The following MYLK variants were observed in gnomAD, a reference collection of about 807,000 sequenced individuals.
MYLK encodes myosin light chain kinase, smooth muscle.
A neutral mutation model predicts 203.4 loss-of-function variants in MYLK; 106 were observed. That is an observed-to-expected ratio of 0.52 (90% CI 0.45 to 0.61). MYLK has a LOEUF of 0.61. Among genes scored for constraint, MYLK ranks in the 20% least tolerant of loss-of-function variants. The pLI is 0.00. For synonymous variants in MYLK, 867 were observed against 959.5 expected, an observed-to-expected ratio of 0.90 and a Z score of 1.78; for missense variants, 2,072 against 2,442.3, an observed-to-expected ratio of 0.85 and a Z score of 3.20.
intron 20 of MYLK, among the ~76,000 whole-genome samples, chr3:123,680,049 G>A (rs1393710549): frequency 6.6e-6 from 1 of 152,188 alleles, no homozygotes; most frequent in Admixed American, 6.5e-5. Flanking sequence ...GATGTAATTG[G>A]TCTGGGGGCA....
intron 20 of MYLK, among the ~76,000 whole-genome samples, chr3:123,673,161 C>CTTTTTTTTTTTTT (rs761090869): frequency 8.0e-5 from 11 of 136,934 alleles, no homozygotes; most frequent in African/African-American, 3.1e-4. Context: ...TTTTTCTTTT[C>CTTTTTTTTTTTTT]TTTTTTTTTT....
Position 123,700,532 on chromosome 3 carries a change from G to A in MYLK, c.2936C>T (p.Pro979Leu), listed in dbSNP as rs368229473. ...GCCACCCAGCACTGAGCGAAAATCC[G>A]GGGTGGCAGGTTTTGGCGGTGGCAC... is the stretch of plus-strand genomic sequence containing the variant. ...EKVPPPKPATPDFRSVLGGKK... is the reference protein window; with the variant it reads ...EKVPPPKPATLDFRSVLGGKK... The change falls in exon 18 of 34, where the codon CCG (proline) becomes CTG (leucine). Residue 979 changes from proline (P) to leucine (L), a missense_variant. Physicochemically the swap from Pro to Leu is moderately conservative, Grantham distance 98. This residue lies in a region of MYLK where 865 missense variants were observed against 1,016.0 expected (regional missense o/e 0.85). Coordinates refer to ENST00000360304, the MANE Select transcript of MYLK (RefSeq NM_053025.4). 30 of 1,613,366 alleles carry A rather than the reference G, an allele frequency of 1.9e-5. No individual in the cohort carries two copies. Among genetic ancestry groups the A allele is most frequent in the Admixed American group, 3.3e-5 (2 of 59,988 alleles).
chr3:123,856,512 T>C (rs1158720679), intron 2 of MYLK, among the ~76,000 whole-genome samples: 1 of 152,254 alleles, frequency 6.6e-6, no homozygotes, highest in Non-Finnish European at 1.5e-5. Context: ...ATTGAGTACC[T>C]CTTAATAATA....
intron 4 of MYLK, among the ~76,000 whole-genome samples, chr3:123,786,593 T>C (rs775961047): frequency 2.3e-4 from 35 of 151,994 alleles, no homozygotes; most frequent in Admixed American, 2.0e-4. Context: ...TACTATTCGA[T>C]AGCACAACAG....
chr3:123,645,483 A>G (rs141182841), intron 27 of MYLK, among the ~76,000 whole-genome samples: 65 of 152,336 alleles, frequency 4.3e-4, no homozygotes, highest in African/African-American at 1.5e-3. Flanking sequence ...GAATTCCAAG[A>G]TGCTAACAGA....
intron 5 of MYLK, among the ~76,000 whole-genome samples, chr3:123,744,381 A>C (rs1312248444): frequency 6.6e-6 from 1 of 152,238 alleles, no homozygotes; most frequent in Non-Finnish European, 1.5e-5. Context: ...TACAAGTAGC[A>C]CAGCAAAGTG....
At chr3:123,789,879 A>C (rs2064704969) in intron 4 of MYLK, among the ~76,000 whole-genome samples, 1 of 152,208 alleles carries the variant, frequency 6.6e-6, no homozygotes, top group Non-Finnish European at 1.5e-5. Flanking sequence ...CAATCAACTC[A>C]GAATAAGGAA....
In MYLK at chr3:123,740,017, T is replaced by C. The variant is rs772656732; in HGVS notation, c.374-16A>G. ...GCAAAACTTCCTGCAAGAAAAAGAG[T>C]TGATGAGTCAGGTCTGAGCCACCAA... On this transcript the variant is annotated splice_polypyrimidine_tract_variant and intron_variant, in intron 5 of 33. Coordinates refer to ENST00000360304, the MANE Select transcript of MYLK (RefSeq NM_053025.4). The C allele has an allele frequency of 3.7e-6, 6 of 1,613,478 alleles. No homozygotes were observed. The highest frequency in any genetic ancestry group is 5.1e-6 in the Non-Finnish European group (6 of 1,179,624).
intron 16 of MYLK, among the ~76,000 whole-genome samples, chr3:123,705,961 G>A (rs1482994242): frequency 6.6e-6 from 1 of 152,140 alleles, no homozygotes; most frequent in Non-Finnish European, 1.5e-5. Context: ...TGACCTAGGG[G>A]GTAAGCGTGT....
At chr3:123,663,490 T>C (rs1421592969) in intron 23 of MYLK, among the ~76,000 whole-genome samples, 1 of 151,720 alleles carries the variant, frequency 6.6e-6, no homozygotes, top group Non-Finnish European at 1.5e-5. Flanking sequence ...AGAGAGAAGG[T>C]AGGGTGGCTA....
Position 123,686,865 on chromosome 3 carries a change from C to A in MYLK, c.3566-4555G>T, listed in dbSNP as rs138724188. The stretch of plus-strand genomic sequence containing the variant: ...TCGCCAGTATTGAAGTGTTTTTGAC[C>A]TACAAAAACAGCAATTTTATTTAGT... On this transcript the variant is annotated intron_variant, in intron 19 of 33. Transcript: ENST00000360304. Among the ~76,000 whole-genome samples the A allele has an allele frequency of 1.4e-3, 219 of 152,256 alleles. 1 individual carries two copies. Among genetic ancestry groups the A allele is most frequent in the African/African-American group, 5.0e-3 (207 of 41,532 alleles).
intron 3 of MYLK, among the ~76,000 whole-genome samples, chr3:123,822,003 T>C (rs1197686520): frequency 2.6e-5 from 4 of 152,026 alleles, no homozygotes; most frequent in African/African-American, 9.7e-5. Context: ...CAGGAATGGG[T>C]TCATTATTGT....
At chr3:123,691,442 T>A (rs542114910) in intron 19 of MYLK, 1 of 152,296 alleles carries the variant, frequency 6.6e-6, no homozygotes, top group South Asian at 2.1e-4. Context: ...ATACGCACGA[T>A]CTCCAAGGAG....
intron 20 of MYLK, among the ~76,000 whole-genome samples, chr3:123,667,821 C>G (rs759506521): frequency 3.3e-5 from 5 of 152,166 alleles, no homozygotes; most frequent in Non-Finnish European, 7.4e-5. Flanking sequence ...TAACCACTCT[C>G]TCACCCTAAC....
chr3:123,848,968 C>T (rs908843394), intron 2 of MYLK, among the ~76,000 whole-genome samples: 6 of 152,042 alleles, frequency 3.9e-5, no homozygotes, highest in African/African-American at 1.4e-4. Context: ...ACATGTTATC[C>T]TTTTCTTTTT....
chr3:123,654,190 A>G (rs889234940), intron 24 of MYLK, among the ~76,000 whole-genome samples: 1 of 152,204 alleles, frequency 6.6e-6, no homozygotes, highest in Non-Finnish European at 1.5e-5. Context: ...GCATATTGAC[A>G]TGGCTCAACG....
At chr3:123,771,725 A>G (rs186844299) in intron 4 of MYLK, among the ~76,000 whole-genome samples, 68 of 152,364 alleles carry the variant, frequency 4.5e-4, no homozygotes, top group Admixed American at 2.0e-3. Context: ...TAGTGACTCC[A>G]TCAAACATCA....
rs566951733 is a variant in MYLK at position 123,673,314 on chromosome 3, A to G, written c.3653-6127T>C. On this transcript the variant is annotated intron_variant, in intron 20 of 33. Transcript: ENST00000360304. ...AGCTAATTTTTTGTAGAGACTCACT[A>G]TGTTGCGCAGGCTGGTCTCAAACTC... 2.6e-5 allele frequency among the ~76,000 whole-genome samples: 4 copies of G among 151,834 alleles called. No individual in the cohort carries two copies. The East Asian group carries it at 5.8e-4, about 22-fold the overall frequency.
Position 123,640,655 on chromosome 3 carries a change from C to T in MYLK, c.4620-151G>A, listed in dbSNP as rs1268111635. 4.3e-5 allele frequency: 35 copies of T among 814,374 alleles called. No homozygotes were observed. The highest frequency in any genetic ancestry group is 5.9e-5 in the Non-Finnish European group (29 of 487,420). The allele number at this position is 814,374 out of a possible 1,614,324, so 50.4% of individuals were successfully genotyped here. ...GGGCAATTCCTGAATCCCCACCCTC[C>T]GACATGGGAGAAGGGTCAGGGCCTC... is the stretch of plus-strand genomic sequence containing the variant. On this transcript the variant is annotated intron_variant, in intron 27 of 33. Coordinates refer to ENST00000360304, the MANE Select transcript of MYLK (RefSeq NM_053025.4). This position sits in a 1 kb window ranked among gnomAD's most constrained non-coding sequence, Gnocchi z 4.3.
Sources: gnomAD v4.1 joint callset for allele counts (sites outside exome capture counted in the v4.1 genomes callset) on GRCh38, gnomAD v4.1.1 for gene constraint, gnomAD v4.1.1 regional missense constraint, Gnocchi (gnomAD v3.1) non-coding constraint, MANE v1.5 for transcripts, NCBI Gene and HGNC (gene_info 2026-07-23, HGNC 2026-07-21) for gene names.